The following KCNAB1 variants were observed in gnomAD, a reference collection of about 807,000 sequenced individuals.
KCNAB1 encodes the protein voltage-gated potassium channel subunit beta-1.
Under a neutral mutation model 64.6 loss-of-function variants are expected in KCNAB1, and 35 were observed. The ratio of observed to expected loss-of-function variants is 0.54; its 90% CI spans 0.41 to 0.72. KCNAB1 has a LOEUF of 0.72. Among genes scored for constraint, KCNAB1 ranks in the 30% least tolerant of loss-of-function variants. KCNAB1 has a pLI of 0.00. For synonymous variants in KCNAB1, 177 were observed against 183.8 expected, an observed-to-expected ratio of 0.96 and a Z score of 0.30; for missense variants, 401 against 512.9, an observed-to-expected ratio of 0.78 and a Z score of 2.11.
At chr3:156,395,806 T>C (rs1206106509) in intron 1 of KCNAB1, among the ~76,000 whole-genome samples, 1 of 152,074 alleles carries the variant, frequency 6.6e-6, no homozygotes, top group Non-Finnish European at 1.5e-5. Flanking sequence ...GTGGAGAACA[T>C]CTAAAGACCA....
intron 1 of KCNAB1, among the ~76,000 whole-genome samples, chr3:156,305,290 A>G (rs1182108427): frequency 6.6e-6 from 1 of 152,228 alleles, no homozygotes; most frequent in Admixed American, 6.5e-5. Context: ...TTAGCTTTGT[A>G]TGTGCATGGC....
At chr3:156,213,321 C>T (rs1715130749) in intron 1 of KCNAB1, among the ~76,000 whole-genome samples, 1 of 151,630 alleles carries the variant, frequency 6.6e-6, no homozygotes, top group South Asian at 2.1e-4. Context: ...TGGGCTCAAG[C>T]AATTCTCTCC....
rs1576962366 is a variant in KCNAB1, at chr3:156,514,309, A to T, written c.659-55A>T. 3 of 1,417,562 alleles carry T rather than the reference A, an allele frequency of 2.1e-6. No individual in the cohort carries two copies. In the East Asian group the frequency reaches 6.9e-5, roughly 32 times the overall value. 87.8% of individuals were successfully genotyped at this position (1,417,562 alleles called of 1,614,324 possible). On this transcript the variant is annotated intron_variant, in intron 8 of 13. Coordinates refer to ENST00000490337, the MANE Select transcript of KCNAB1 (RefSeq NM_172160.3). ...CTTTGGCTAGAGGAGTAAAAATCGC[A>T]TAACTTTGAAAAGTAGACAAATTCA...
At chr3:156,428,488 T>TACACAC (rs4056995) in intron 2 of KCNAB1, among the ~76,000 whole-genome samples, 6,797 of 127,460 alleles carry the variant, frequency 0.053, 286 homozygotes, top group African/African-American at 0.12. Flanking sequence ...AATTCCTCTA[T>TACACAC]ACACACACAC....
intron 13 of KCNAB1, among the ~76,000 whole-genome samples, chr3:156,532,910 C>G (rs1417939720): frequency 6.6e-6 from 1 of 152,190 alleles, no homozygotes; most frequent in Non-Finnish European, 1.5e-5. Context: ...TTATTCTATG[C>G]CTGGCATCGT....
chr3:156,413,526 T>C (rs1361620386), intron 1 of KCNAB1, among the ~76,000 whole-genome samples: 1 of 152,204 alleles, frequency 6.6e-6, no homozygotes, highest in Non-Finnish European at 1.5e-5. Flanking sequence ...GTTTCTATTA[T>C]TATCCCCATG....
At chr3:156,305,043 C>T (rs1044482320) in intron 1 of KCNAB1, among the ~76,000 whole-genome samples, 3 of 151,526 alleles carry the variant, frequency 2.0e-5, no homozygotes, top group Non-Finnish European at 2.9e-5. Flanking sequence ...TAAAGGGACT[C>T]GAGTATCAGT....
At chr3:156,515,016 G>A in intron 9 of KCNAB1, 84 bp from the exon 10 acceptor site, 1 of 1,366,764 alleles carries the variant, frequency 7.3e-7, no homozygotes, top group Non-Finnish European at 9.8e-7. Context: ...TTTCACCAAA[G>A]TAAACATTTC....
chr3:156,221,787 A>ACC (rs1560144072), intron 1 of KCNAB1, among the ~76,000 whole-genome samples: 103 of 138,858 alleles, frequency 7.4e-4, no homozygotes, highest in Middle Eastern at 3.6e-3. Flanking sequence ...CCCCCCCGCC[A>ACC]AAAAAAAAGT....
At position 156,421,598 on chromosome 3, in the gene KCNAB1, G is replaced by T; in HGVS notation, c.276-18G>T. ...CCTGAGGAAATGATGACCAAGTGTT[G>T]CTTTGTTTTTATTATAGGAATCTTG... is the stretch of plus-strand genomic sequence containing the variant. On this transcript the variant is annotated intron_variant, in intron 1 of 13. Coordinates refer to ENST00000490337, the MANE Select transcript of KCNAB1 (RefSeq NM_172160.3). The T allele has an allele frequency of 1.9e-6, 3 of 1,613,334 alleles. No homozygotes were observed. The highest frequency in any genetic ancestry group is 1.7e-6 in the Non-Finnish European group (2 of 1,179,386).
At chr3:156,282,867 C>G (rs1357258061) in intron 1 of KCNAB1, among the ~76,000 whole-genome samples, 1 of 151,276 alleles carries the variant, frequency 6.6e-6, no homozygotes, top group Admixed American at 6.6e-5. Flanking sequence ...TGTCTCTGCA[C>G]GTGAGATGGG....
intron 1 of KCNAB1, among the ~76,000 whole-genome samples, chr3:156,419,284 C>T (rs1212375695): frequency 2.6e-5 from 4 of 151,958 alleles, no homozygotes; most frequent in African/African-American, 7.2e-5. Flanking sequence ...AGGTGGATCA[C>T]GAGGTCAGGA....
chr3:156,374,770 C>T (rs1192974667), intron 1 of KCNAB1, among the ~76,000 whole-genome samples: 1 of 134,806 alleles, frequency 7.4e-6, no homozygotes, highest in African/African-American at 3.3e-5. Flanking sequence ...ACCTCGCTTT[C>T]CTTATGTATG....
intron 1 of KCNAB1, among the ~76,000 whole-genome samples, chr3:156,241,959 T>C (rs9811547): frequency 0.018 from 2,685 of 152,336 alleles, 24 homozygotes; most frequent in Non-Finnish European, 0.028. Context: ...AAAATCTTTC[T>C]TTTCTATCTT....
intron 1 of KCNAB1, among the ~76,000 whole-genome samples, chr3:156,140,596 G>T (rs527854104): frequency 6.6e-6 from 1 of 152,142 alleles, no homozygotes; most frequent in Admixed American, 6.5e-5. Context: ...ATCACACTGG[G>T]GGTTAAGATT....
At chr3:156,498,035 C>A (rs1395370850) in intron 8 of KCNAB1, among the ~76,000 whole-genome samples, 1 of 152,028 alleles carries the variant, frequency 6.6e-6, no homozygotes, top group South Asian at 2.1e-4. Flanking sequence ...GAAAAGAGCC[C>A]CTGTCAAAGC....
At chr3:156,246,649 A>C (rs903379192) in intron 1 of KCNAB1, among the ~76,000 whole-genome samples, 1 of 151,814 alleles carries the variant, frequency 6.6e-6, no homozygotes, top group African/African-American at 2.4e-5. Context: ...AAAAAAAAAA[A>C]ACCCAACATT....
In KCNAB1 at chr3:156,537,189, TAGTA is replaced by T; in HGVS notation, c.*444_*447del. 2 of 397,558 alleles carry T rather than the reference TAGTA, an allele frequency of 5.0e-6. No individual in the cohort carries two copies. Among genetic ancestry groups the T allele is most frequent in the Non-Finnish European group, 8.9e-6 (2 of 225,666 alleles). 24.6% of individuals were successfully genotyped at this position (397,558 alleles called of 1,614,324 possible). Reference sequence around the variant, plus strand: ...AGGAAAGGAATTGAGAGATTTTTCTTAGTAAATAGATTATTGTTAAGTAAATAGT... The same window carrying T: ...AGGAAAGGAATTGAGAGATTTTTCTTAATAGATTATTGTTAAGTAAATAGT... On this transcript the variant is annotated 3_prime_UTR_variant, in exon 14 of 14. Transcript: ENST00000490337.
At chr3:156,257,481 CG>C (rs1422740379) in intron 1 of KCNAB1, among the ~76,000 whole-genome samples, 9 of 152,050 alleles carry the variant, frequency 5.9e-5, no homozygotes, top group Admixed American at 4.6e-4. Flanking sequence ...GGGAGGGATC[CG>C]GGGTGCTTTG....
Sources: allele counts gnomAD v4.1 joint callset (sites outside exome capture counted in the v4.1 genomes callset), GRCh38; gene constraint gnomAD v4.1.1; transcripts MANE v1.5; gene names NCBI Gene and HGNC (gene_info 2026-07-23, HGNC 2026-07-21).